The following DOCK3 variants were observed in gnomAD, a reference collection of about 807,000 sequenced individuals.
DOCK3 encodes the protein dedicator of cytokinesis protein 3.
In DOCK3, 60 loss-of-function variants were observed where a neutral mutation model predicts 265.6. The ratio of observed to expected loss-of-function variants is 0.23; its 90% CI spans 0.18 to 0.28. DOCK3 has a LOEUF of 0.28. Ranked by LOEUF, DOCK3 falls within the 10% of genes least tolerant of loss-of-function variation. The probability of loss-of-function intolerance (pLI) is 1.00; values close to 1 mark genes in which losing one functional copy is unlikely to be tolerated. For synonymous variants in DOCK3, 881 were observed against 938.0 expected (o/e 0.94, Z 1.11); for missense variants, 1,981 against 2,594.3 (o/e 0.76, Z 5.14).
At chr3:50,789,631 G>A (rs2042359917) in intron 2 of DOCK3, among the ~76,000 whole-genome samples, 1 of 152,172 alleles carries the variant, frequency 6.6e-6, no homozygotes, top group Admixed American at 6.5e-5. Context: ...AGGTCTAGTA[G>A]TAACTGTTTT....
At chr3:51,074,125 A>G (rs1361330882) in intron 6 of DOCK3, among the ~76,000 whole-genome samples, 1 of 152,318 alleles carries the variant, frequency 6.6e-6, no homozygotes, top group East Asian at 1.9e-4. Context: ...ATCCCATGGA[A>G]TGCTTTTGCC....
chr3:50,692,566 C>T (rs1393238018), intron 1 of DOCK3, among the ~76,000 whole-genome samples: 2 of 152,202 alleles, frequency 1.3e-5, no homozygotes, highest in African/African-American at 4.8e-5. Flanking sequence ...TAACAGGCCA[C>T]AGATTGATAT....
chr3:51,130,768 A>G (rs980178536), intron 9 of DOCK3, among the ~76,000 whole-genome samples: 5 of 152,096 alleles, frequency 3.3e-5, no homozygotes, highest in Non-Finnish European at 7.4e-5. Flanking sequence ...AGTGCAGTGG[A>G]GTGATCTCAG....
chr3:51,024,859 G>A lies in DOCK3; in HGVS notation c.316-39589G>A, dbSNP rs535301033. Among the ~76,000 whole-genome samples the A allele has an allele frequency of 1.7e-4, 26 of 152,348 alleles. No individual in the cohort carries two copies. The South Asian group carries it at 5.2e-3, about 30-fold the overall frequency. On this transcript the variant is annotated intron_variant, in intron 5 of 52. Transcript: ENST00000266037. ...CTTGAATGCTGGTAATACTAGTAGT[G>A]AACTTGTCACGTGGACAGACTCAGG...
At chr3:51,187,358 T>C (rs1375693258) in intron 12 of DOCK3, among the ~76,000 whole-genome samples, 4 of 152,260 alleles carry the variant, frequency 2.6e-5, no homozygotes, top group Non-Finnish European at 4.4e-5. Flanking sequence ...CCAAAGCCTG[T>C]ACCCCCATTA....
At chr3:50,868,557 A>G (rs1411531221) in intron 3 of DOCK3, among the ~76,000 whole-genome samples, 1 of 152,012 alleles carries the variant, frequency 6.6e-6, no homozygotes, top group Non-Finnish European at 1.5e-5. Context: ...TATATTTTGT[A>G]GAGTCAGAGT....
At chr3:51,046,192 A>G (rs972766748) in intron 5 of DOCK3, among the ~76,000 whole-genome samples, 2 of 152,206 alleles carry the variant, frequency 1.3e-5, no homozygotes, top group African/African-American at 4.8e-5. Context: ...CATAAATACA[A>G]AACAGAGAAA....
chr3:51,063,962 A>G (rs761495776), intron 5 of DOCK3, among the ~76,000 whole-genome samples: 1 of 152,202 alleles, frequency 6.6e-6, no homozygotes, highest in Non-Finnish European at 1.5e-5. Context: ...AGTGAATTTC[A>G]CTCCAGGGAC....
chr3:51,157,536 A>C (rs555171554), intron 10 of DOCK3, among the ~76,000 whole-genome samples: 1 of 152,328 alleles, frequency 6.6e-6, no homozygotes, highest in African/African-American at 2.4e-5. Context: ...ATATGCCGCC[A>C]TGCCTGGCCC....
chr3:50,875,560 A>G (rs1371949916), intron 3 of DOCK3, among the ~76,000 whole-genome samples: 1 of 152,118 alleles, frequency 6.6e-6, no homozygotes, highest in East Asian at 1.9e-4. Context: ...TGAAATGATG[A>G]TATGGGTTTT....
intron 1 of DOCK3, among the ~76,000 whole-genome samples, chr3:50,729,355 A>C (rs2038044423): frequency 4.6e-5 from 1 of 21,764 alleles, no homozygotes. Context: ...TTTTATTTTT[A>C]TTTTATTTAT....
At chr3:51,002,052 C>A (rs955450533) in intron 5 of DOCK3, among the ~76,000 whole-genome samples, 1 of 152,126 alleles carries the variant, frequency 6.6e-6, no homozygotes. Context: ...CTAAAGGAAT[C>A]CTCTTGCCTC....
At chr3:50,731,001 G>A (rs2108119125) in intron 1 of DOCK3, among the ~76,000 whole-genome samples, 1 of 151,796 alleles carries the variant, frequency 6.6e-6, no homozygotes, top group East Asian at 1.9e-4. Flanking sequence ...GCGTGGTGGT[G>A]GGCGCCTATA....
chr3:50,998,107 G>A (rs959545044), intron 5 of DOCK3, among the ~76,000 whole-genome samples: 3 of 152,102 alleles, frequency 2.0e-5, no homozygotes, highest in Non-Finnish European at 4.4e-5. Context: ...TGACATTGAA[G>A]ATAATATTAA....
chr3:51,246,657 G>T (rs2078855725), intron 21 of DOCK3, 69 bp from the exon 22 acceptor site: 1 of 1,412,488 alleles, frequency 7.1e-7, no homozygotes, highest in Non-Finnish European at 9.9e-7. Flanking sequence ...CTAATTCAGG[G>T]CTACAGATGT....
At chr3:51,088,574 A>G (rs1296552056) in intron 7 of DOCK3, among the ~76,000 whole-genome samples, 5 of 152,244 alleles carry the variant, frequency 3.3e-5, no homozygotes, top group Non-Finnish European at 7.3e-5. Flanking sequence ...TTTTTAAAAA[A>G]TTGAAAACCT....
intron 22 of DOCK3, among the ~76,000 whole-genome samples, chr3:51,247,838 G>A (rs1344149452): frequency 3.3e-5 from 5 of 152,138 alleles, no homozygotes; most frequent in African/African-American, 1.2e-4. Context: ...TGTAGGGCAG[G>A]GTGCTGAGGC....
intron 2 of DOCK3, among the ~76,000 whole-genome samples, chr3:50,808,838 A>ATTT (rs1447260406): frequency 6.6e-6 from 1 of 152,244 alleles, no homozygotes; most frequent in Non-Finnish European, 1.5e-5. Context: ...GCTCTTTACA[A>ATTT]TAAGTGATGC....
chr3:50,991,916 A>G (rs1391405760), intron 5 of DOCK3, among the ~76,000 whole-genome samples: 1 of 152,212 alleles, frequency 6.6e-6, no homozygotes, highest in African/African-American at 2.4e-5. Flanking sequence ...TGCAGTAAAA[A>G]TAGAAGTCAA....
Sources: allele counts gnomAD v4.1 joint callset (sites outside exome capture counted in the v4.1 genomes callset), GRCh38; gene constraint gnomAD v4.1.1; transcripts MANE v1.5; gene names NCBI Gene and HGNC (gene_info 2026-07-23, HGNC 2026-07-21).